Variants in MTOR observed in about 807,000 individuals in gnomAD.
MTOR encodes serine/threonine-protein kinase mTOR.
MTOR carries 70 observed loss-of-function variants against 319.8 expected under a neutral mutation model. The observed-to-expected ratio is 0.22, with a 90% CI of 0.18 to 0.27. The LOEUF is 0.27. Ranked by LOEUF, MTOR falls within the 10% of genes least tolerant of loss-of-function variation. The pLI is 1.00. For synonymous variants in MTOR, 1,183 were observed against 1,211.4 expected (o/e 0.98, Z 0.49); for missense variants, 1,890 against 3,274.4 (o/e 0.58, Z 10.32).
chr1:11,135,446 C>G (rs1643356847), intron 36 of MTOR, among the ~76,000 whole-genome samples: 1 of 152,172 alleles, frequency 6.6e-6, no homozygotes, highest in African/African-American at 2.4e-5. Flanking sequence ...GCAATGTGTT[C>G]TGTGCTGCAG....
At chr1:11,182,644 C>T (rs1350368154) in intron 28 of MTOR, among the ~76,000 whole-genome samples, 2 of 152,196 alleles carry the variant, frequency 1.3e-5, no homozygotes, top group Non-Finnish European at 1.5e-5. Flanking sequence ...ACTGAGCCCC[C>T]TCCCAATCAC....
chr1:11,150,264 TCTC>T, intron 30 of MTOR, 38 bp from the exon 31 acceptor site: 1 of 1,566,282 alleles, frequency 6.4e-7, no homozygotes, highest in Non-Finnish European at 8.7e-7. Context: ...TTAATCCAAA[TCTC>T]CTTAAACTAC....
At chr1:11,260,719 C>CG (rs1651000934) in intron 1 of MTOR, among the ~76,000 whole-genome samples, 1 of 148,946 alleles carries the variant, frequency 6.7e-6, no homozygotes, top group African/African-American at 2.5e-5. Context: ...AGTGTCCATT[C>CG]TTTTTTTTTA....
At chr1:11,134,502 T>C (rs763686673) in intron 36 of MTOR, 36 bp from the exon 37 acceptor site, 1 of 1,595,374 alleles carries the variant, frequency 6.3e-7, no homozygotes, top group Non-Finnish European at 8.6e-7. Context: ...GCCACTTGGC[T>C]TGTGGCCCAG....
intron 29 of MTOR, among the ~76,000 whole-genome samples, chr1:11,166,958 A>G (rs1478110954): frequency 1.3e-5 from 2 of 152,228 alleles, no homozygotes; most frequent in Non-Finnish European, 2.9e-5. Context: ...ACATGGATGA[A>G]GCTGGAAACC....
Position 11,241,792 on chromosome 1 carries a change from G to A in MTOR, c.1413-111C>T, listed in dbSNP as rs537549074. 2.9e-5 allele frequency: 36 copies of A among 1,227,068 alleles called. No individual in the cohort carries two copies. The Admixed American group carries it at 5.9e-4, about 20-fold the overall frequency. The allele number at this position is 1,227,068 out of a possible 1,614,324, so 76.0% of individuals were successfully genotyped here. ...AGGTTACTCAGGCAGGGCTACCACA[G>A]ATGGGTATGCAAATTGTCCAGAGCA... On this transcript the variant is annotated intron_variant, in intron 9 of 57. Transcript: ENST00000361445.
intron 28 of MTOR, among the ~76,000 whole-genome samples, chr1:11,168,325 C>T (rs1229397967): frequency 2.0e-5 from 3 of 151,748 alleles, no homozygotes; most frequent in Non-Finnish European, 4.4e-5. Flanking sequence ...ATTACAGGTA[C>T]ACACCACAGC....
chr1:11,220,271 A>C (rs1329136735), intron 19 of MTOR, among the ~76,000 whole-genome samples: 2 of 152,172 alleles, frequency 1.3e-5, no homozygotes, highest in African/African-American at 4.8e-5. Flanking sequence ...CAGAAAAAAT[A>C]TGTAAAAGGG....
intron 19 of MTOR, 101 bp downstream of exon 19, chr1:11,228,566 CA>C: frequency 6.8e-7 from 1 of 1,479,038 alleles, no homozygotes. Flanking sequence ...GCATTGGGCT[CA>C]GGGGCACAGA....
rs1319317510 is a variant in MTOR at position 11,160,106 on chromosome 1, T to TTATC, written c.4330-2816_4330-2815insGATA. 2.4e-3 allele frequency among the ~76,000 whole-genome samples: 358 copies of TTATC among 151,794 alleles called. 2 individuals carry two copies. Among genetic ancestry groups the TTATC allele is most frequent in the African/African-American group, 7.2e-3 (300 of 41,392 alleles). On this transcript the variant is annotated intron_variant, in intron 29 of 57. Transcript: ENST00000361445. ...TTTATTTATTTATTTATTTATTTAT[T>TTATC]TATTTAATTTTGAGGCAGAGTTTCG...
intron 28 of MTOR, among the ~76,000 whole-genome samples, chr1:11,177,657 A>G (rs1442559473): frequency 6.6e-6 from 1 of 152,296 alleles, no homozygotes; most frequent in East Asian, 1.9e-4. Flanking sequence ...GTCTGGTCAC[A>G]GTTTAAATGG....
intron 19 of MTOR, among the ~76,000 whole-genome samples, chr1:11,221,728 CAT>C (rs943282681): frequency 3.2e-4 from 47 of 147,688 alleles, no homozygotes; most frequent in African/African-American, 1.1e-3. Flanking sequence ...TGTATATATA[CAT>C]ATATATATTC....
rs756241341 is a variant in MTOR, at chr1:11,240,536, G to C, written c.1553C>G (p.Thr518Ser). ...ACGGCTCAGGTCGTAGAGCACTGCA[G>C]TGAGGGCAGGGCTGAGGGGAAGGAA... ...MLAVGLSPAL[T>S]AVLYDLSRQI... The change falls in exon 11 of 58, where the codon ACT becomes AGT. Residue 518 changes from threonine (T) to serine (S), a missense_variant. By Grantham distance (58) the Thr-to-Ser change is moderately conservative (BLOSUM62 1). This residue lies in a region of MTOR where 418 missense variants were observed against 543.1 expected (regional missense o/e 0.77). Coordinates refer to ENST00000361445, the MANE Select transcript of MTOR (RefSeq NM_004958.4). The C allele has an allele frequency of 6.2e-7, 1 of 1,614,154 alleles. No individual in the cohort carries two copies. The highest frequency in any genetic ancestry group is 2.2e-5 in the East Asian group (1 of 44,890).
chr1:11,136,703 A>G (rs1643434762), intron 36 of MTOR, among the ~76,000 whole-genome samples: 1 of 151,682 alleles, frequency 6.6e-6, no homozygotes, highest in Non-Finnish European at 1.5e-5. Flanking sequence ...AGGTCTTGCT[A>G]TGTTGCCCAG....
chr1:11,233,849 T>G (rs1213578371), intron 14 of MTOR, among the ~76,000 whole-genome samples: 1 of 152,224 alleles, frequency 6.6e-6, no homozygotes, highest in Non-Finnish European at 1.5e-5. Flanking sequence ...TTCCTCATTT[T>G]GGGCGAGCTA....
At chr1:11,187,239 G>C (rs1645349055) in intron 28 of MTOR, among the ~76,000 whole-genome samples, 1 of 151,014 alleles carries the variant, frequency 6.6e-6, no homozygotes, top group South Asian at 2.1e-4. Context: ...GCAGGGTCAC[G>C]TGGGATGCTA....
chr1:11,247,415 T>C (rs1202328849), intron 8 of MTOR, among the ~76,000 whole-genome samples: 1 of 152,208 alleles, frequency 6.6e-6, no homozygotes, highest in Admixed American at 6.5e-5. Context: ...TGCTTGGCCA[T>C]AGAATTGCCT....
Position 11,121,895 on chromosome 1 carries a change from C to T in MTOR, c.6810+84G>A, listed in dbSNP as rs2100360076. On this transcript the variant is annotated intron_variant, in intron 48 of 57. Coordinates refer to ENST00000361445, the MANE Select transcript of MTOR (RefSeq NM_004958.4). The surrounding 1 kb of genome is among the most constrained non-coding windows in gnomAD (Gnocchi z 4.9). ...CTCAAAGAGATTTTTCAGTGACAGA[C>T]ATACAGAGAGGAATGAGAAAAGCAG... 4 of 1,535,552 alleles carry T rather than the reference C, an allele frequency of 2.6e-6. No homozygotes were observed. The South Asian group carries it at 3.7e-5, about 14-fold the overall frequency.
rs1294435621 is a variant in MTOR, at chr1:11,165,001, T to C, written c.4329+2441A>G. ...TAAACAGAACCAAAGACAAAAACCA[T>C]GACTACCTCAACAGATGCAGAAAAG... On this transcript the variant is annotated intron_variant, in intron 29 of 57. Coordinates refer to ENST00000361445, the MANE Select transcript of MTOR (RefSeq NM_004958.4). 2.6e-5 allele frequency among the ~76,000 whole-genome samples: 4 copies of C among 151,726 alleles called. No individual in the cohort carries two copies. In the East Asian group the frequency reaches 7.7e-4, roughly 29 times the overall value.
Sources: allele counts gnomAD v4.1 joint callset (sites outside exome capture counted in the v4.1 genomes callset), GRCh38; gene constraint gnomAD v4.1.1; regional missense constraint gnomAD v4.1.1; non-coding constraint Gnocchi (gnomAD v3.1); transcripts MANE v1.5; gene names NCBI Gene and HGNC (gene_info 2026-07-23, HGNC 2026-07-21).